The following KSR2 variants were observed in gnomAD, a reference collection of about 807,000 sequenced individuals.
KSR2 encodes the protein kinase suppressor of ras 2.
A neutral mutation model predicts 107.8 loss-of-function variants in KSR2; 25 were observed. That is an observed-to-expected ratio of 0.23 (90% confidence interval 0.17 to 0.32). The LOEUF is 0.32. Ranked by LOEUF, KSR2 falls within the 10% of genes least tolerant of loss-of-function variation. KSR2 has a pLI of 1.00. For missense variants in KSR2, 887 were observed against 1,268.9 expected (o/e 0.70, Z 4.57); for synonymous variants, 480 against 507.0 (o/e 0.95, Z 0.71).
Position 117,938,560 on chromosome 12 carries a change from TAATAAATA to T in KSR2, c.180+29508_180+29515del, listed in dbSNP as rs80030527. 4.7e-4 allele frequency among the ~76,000 whole-genome samples: 69 copies of T among 147,642 alleles called. No individual in the cohort carries two copies. The East Asian group carries it at 0.011, about 23-fold the overall frequency. On this transcript the variant is annotated intron_variant, in intron 1 of 19. Coordinates refer to ENST00000339824, the MANE Select transcript of KSR2 (RefSeq NM_173598.6). Reference sequence around the variant, plus strand: ...TACCCTAAAACTTAAAGTATAATAATAATAAATAAATAAATAAATAAATAAAGGCAAAA... The same window carrying T: ...TACCCTAAAACTTAAAGTATAATAATAATAAATAAATAAATAAAGGCAAAA...
rs536220457 is a variant in KSR2, at chr12:117,534,232, T to TC, written c.1688-2526dup. On this transcript the variant is annotated intron_variant, in intron 10 of 19. Coordinates refer to ENST00000339824, the MANE Select transcript of KSR2 (RefSeq NM_173598.6). ...AAGGAAGGAAGAAAGGTCAAGTCAT[T>TC]CTCTGCCTAAACCTTTCAACTGCAT... Among the ~76,000 whole-genome samples the TC allele has an allele frequency of 1.4e-3, 211 of 152,228 alleles. 1 individual carries two copies. Among genetic ancestry groups the TC allele is most frequent in the Non-Finnish European group, 9.0e-4 (61 of 68,016 alleles).
At chr12:117,909,486 T>C (rs1894952070) in intron 1 of KSR2, among the ~76,000 whole-genome samples, 1 of 152,216 alleles carries the variant, frequency 6.6e-6, no homozygotes, top group African/African-American at 2.4e-5. Flanking sequence ...TTTACCGAAG[T>C]GTGGTATGTG....
rs1890452833 is a variant in KSR2 at position 117,794,045 on chromosome 12, TG to T, written c.473-32522del. ...TCACACCAACATGCACACACCAACA[TG>T]CACACTCGTACCAACATGCACACAT... is the stretch of plus-strand genomic sequence containing the variant. On this transcript the variant is annotated intron_variant, in intron 3 of 19. Coordinates refer to ENST00000339824, the MANE Select transcript of KSR2 (RefSeq NM_173598.6). 3.0e-4 allele frequency among the ~76,000 whole-genome samples: 22 copies of T among 74,044 alleles called. 1 individual carries two copies. Among genetic ancestry groups the T allele is most frequent in the African/African-American group, 1.3e-3 (22 of 17,318 alleles). 48.6% of individuals were successfully genotyped at this position (74,044 alleles called of 152,430 possible).
chr12:117,779,750 T>C (rs1251483815), intron 3 of KSR2, among the ~76,000 whole-genome samples: 2 of 152,232 alleles, frequency 1.3e-5, no homozygotes, highest in Admixed American at 1.3e-4. Context: ...TCCTTTGCCT[T>C]CTGCCATGAT....
At chr12:117,763,954 G>A (rs1889137019) in intron 3 of KSR2, among the ~76,000 whole-genome samples, 1 of 152,072 alleles carries the variant, frequency 6.6e-6, no homozygotes. Flanking sequence ...GCCAAGGAAG[G>A]AGATTTGGGG....
At chr12:117,524,818 C>T (rs758742869) in intron 14 of KSR2, 34 bp downstream of exon 14, 9 of 1,558,522 alleles carry the variant, frequency 5.8e-6, no homozygotes, top group Middle Eastern at 1.8e-4. Context: ...CAGAGTTTTG[C>T]CAATCCCTGG....
chr12:117,632,380 A>C (rs766372467), intron 5 of KSR2, among the ~76,000 whole-genome samples: 1 of 151,358 alleles, frequency 6.6e-6, no homozygotes, highest in African/African-American at 2.5e-5. Flanking sequence ...GCCCGCCACC[A>C]TGCCTGGCTA....
chr12:117,553,727 T>A (rs1381786472), intron 9 of KSR2, among the ~76,000 whole-genome samples: 3 of 152,080 alleles, frequency 2.0e-5, no homozygotes, highest in Non-Finnish European at 4.4e-5. Flanking sequence ...AAGAAGAGTT[T>A]GATCCCTTTT....
At chr12:117,525,726 G>A (rs1029259890) in intron 13 of KSR2, among the ~76,000 whole-genome samples, 2 of 152,142 alleles carry the variant, frequency 1.3e-5, no homozygotes, top group African/African-American at 4.8e-5. Context: ...TGGGTACATC[G>A]TGCATCTGCA....
chr12:117,669,035 A>G (rs1181367827), intron 4 of KSR2, among the ~76,000 whole-genome samples: 1 of 152,176 alleles, frequency 6.6e-6, no homozygotes, highest in Non-Finnish European at 1.5e-5. Context: ...TTCATTCAAG[A>G]GAAGAGAAAG....
At chr12:117,870,106 T>C (rs1382914237) in intron 1 of KSR2, among the ~76,000 whole-genome samples, 1 of 152,176 alleles carries the variant, frequency 6.6e-6, no homozygotes, top group South Asian at 2.1e-4. Flanking sequence ...TCCTTCCCAC[T>C]GACCTGGAAG....
At chr12:117,818,766 A>T (rs1052526200) in intron 3 of KSR2, among the ~76,000 whole-genome samples, 1 of 152,134 alleles carries the variant, frequency 6.6e-6, no homozygotes, top group African/African-American at 2.4e-5. Flanking sequence ...GGAGACAGGG[A>T]TCTTAGTGTT....
chr12:117,862,030 C>A (rs1275713586), intron 1 of KSR2, among the ~76,000 whole-genome samples: 1 of 151,038 alleles, frequency 6.6e-6, no homozygotes, highest in African/African-American at 2.4e-5. Context: ...TGTATGCATT[C>A]AGTAGTTACC....
chr12:117,484,292 C>T (rs1340929704), intron 16 of KSR2, 124 bp downstream of exon 16: 2 of 1,076,034 alleles, frequency 1.9e-6, no homozygotes, highest in East Asian at 5.2e-5. Context: ...AGCAGCTGCC[C>T]CACTCAGCTC....
rs529342451 is a variant in KSR2 at position 117,504,804 on chromosome 12, T to A, written c.2220-19113A>T. 1.2e-4 allele frequency among the ~76,000 whole-genome samples: 18 copies of A among 152,310 alleles called. 1 individual carries two copies. Among genetic ancestry groups the A allele is most frequent in the Middle Eastern group, 6.8e-3 (2 of 294 alleles). On this transcript the variant is annotated intron_variant, in intron 14 of 19. Transcript: ENST00000339824. ...TTTTGGGGTACAAGTGGTTTTTGGT[T>A]GCATGTATGTATTATACAGTGACAA...
At chr12:117,936,126 C>T (rs1345619987) in intron 1 of KSR2, among the ~76,000 whole-genome samples, 1 of 151,984 alleles carries the variant, frequency 6.6e-6, no homozygotes, top group Non-Finnish European at 1.5e-5. Context: ...AACTCTGCCT[C>T]CCAGGCTCAA....
chr12:117,965,992 G>T (rs373374388), intron 1 of KSR2, among the ~76,000 whole-genome samples: 1 of 74,228 alleles, frequency 1.3e-5, no homozygotes, highest in East Asian at 4.1e-4. Flanking sequence ...AGCATTCCCT[G>T]GGCAAGATGG....
chr12:117,941,444 G>C (rs1303550328), intron 1 of KSR2, among the ~76,000 whole-genome samples: 2 of 151,970 alleles, frequency 1.3e-5, no homozygotes, highest in African/African-American at 2.4e-5. Flanking sequence ...TCAACTCAAA[G>C]TGTACATTTT....
rs560265613 is a variant in KSR2 at position 117,512,604 on chromosome 12, G to T, written c.2219+12248C>A. Among the ~76,000 whole-genome samples, 3 of 152,274 alleles carry T rather than the reference G, an allele frequency of 2.0e-5. No individual in the cohort carries two copies. The East Asian group carries it at 5.8e-4, about 29-fold the overall frequency. On this transcript the variant is annotated intron_variant, in intron 14 of 19. Coordinates refer to ENST00000339824, the MANE Select transcript of KSR2 (RefSeq NM_173598.6). ...ATGCACGTTTCAGTGTGAAATCCAT[G>T]CCTTCTAATACCCATGCTTTCTAAT...
Sources: gnomAD v4.1 joint callset for allele counts (sites outside exome capture counted in the v4.1 genomes callset) on GRCh38, gnomAD v4.1.1 for gene constraint, MANE v1.5 for transcripts, NCBI Gene and HGNC (gene_info 2026-07-23, HGNC 2026-07-21) for gene names.